Variants in ERICH5 observed in about 807,000 individuals in gnomAD.
ERICH5 encodes the protein glutamate rich 5, also known as glutamate-rich protein 5.
A neutral mutation model predicts 28.0 loss-of-function variants in ERICH5; 24 were observed. The observed-to-expected ratio is 0.86, with a 90% CI of 0.62 to 1.21. The LOEUF is 1.21. Ranked by LOEUF, ERICH5 falls within the 50% of genes most tolerant of loss-of-function variation. The pLI is 0.00. For synonymous variants in ERICH5, 163 were observed against 157.6 expected (o/e 1.03, Z -0.25); for missense variants, 421 against 441.2 (o/e 0.95, Z 0.41).
intron 1 of ERICH5, among the ~76,000 whole-genome samples, chr8:98,086,356 T>C (rs73701237): frequency 0.028 from 4,190 of 152,284 alleles, 159 homozygotes; most frequent in African/African-American, 0.091. Flanking sequence ...GGTGGCTTGG[T>C]ACCTCAGTAA....
rs79176049 is a variant in ERICH5, at chr8:98,084,365, A to C, written c.59-4711A>C. Reference sequence around the variant, plus strand: ...CTTCTGTGTTGCCTGCCTCTAATTCATTCTGCAGCGGGAGTATTTTGTTTG... The same window carrying C: ...CTTCTGTGTTGCCTGCCTCTAATTCCTTCTGCAGCGGGAGTATTTTGTTTG... On this transcript the variant is annotated intron_variant, in intron 1 of 2. Transcript: ENST00000318528. 8.8e-3 allele frequency among the ~76,000 whole-genome samples: 1,341 copies of C among 152,032 alleles called. 12 individuals carry two copies. The highest frequency in any genetic ancestry group is 0.03 in the African/African-American group (1,246 of 41,474).
rs1161102927 is a variant in ERICH5 at position 98,089,709 on chromosome 8, T to C, written c.692T>C (p.Leu231Ser). ...AAAGAGAATGAATCTCCAGAAATAT[T>C]GGAAGGAAGTCAGTTTGTGGAAACA... ...ISKENESPEI[L>S]EGSQFVETAE... Residue 231 changes from leucine (L) to serine (S), a missense_variant, in exon 2 of 3, where the codon TTG becomes TCG. Physicochemically the swap from Leu to Ser is moderately radical, Grantham distance 145. Coordinates refer to ENST00000318528, the MANE Select transcript of ERICH5 (RefSeq NM_173549.3). 3.7e-6 allele frequency: 6 copies of C among 1,614,118 alleles called. No individual in the cohort carries two copies. Among genetic ancestry groups the C allele is most frequent in the Non-Finnish European group, 5.1e-6 (6 of 1,180,028 alleles).
At chr8:98,090,327 T>G (rs1482122946) in intron 2 of ERICH5, among the ~76,000 whole-genome samples, 1 of 152,218 alleles carries the variant, frequency 6.6e-6, no homozygotes, top group Non-Finnish European at 1.5e-5. Context: ...AAGTTGACAC[T>G]TCATCAGGCC....
At chr8:98,064,780 A>G in intron 1 of ERICH5, 53 bp downstream of exon 1, 1 of 1,473,012 alleles carries the variant, frequency 6.8e-7, no homozygotes, top group Non-Finnish European at 9.1e-7. Context: ...CGGGTGGGCT[A>G]ACTCCCCAGG....
chr8:98,081,350 C>T (rs899452819), intron 1 of ERICH5, among the ~76,000 whole-genome samples: 4 of 152,264 alleles, frequency 2.6e-5, no homozygotes, highest in East Asian at 1.9e-4. Context: ...AAGTGATCCA[C>T]CTGCCTTGGC....
Position 98,089,596 on chromosome 8 carries a change from C to G in ERICH5, c.579C>G (p.Asn193Lys). 4.3e-6 allele frequency: 7 copies of G among 1,614,168 alleles called. No homozygotes were observed. Among genetic ancestry groups the G allele is most frequent in the Non-Finnish European group, 5.9e-6 (7 of 1,180,046 alleles). The part of the protein sequence containing the change: ...AEMKPLGTTE[N>K]VLTLQIAGEL... ...TGAAGCCTCTAGGAACAACTGAGAA[C>G]GTTCTGACTCTGCAAATAGCTGGAG... The change falls in exon 2 of 3, where the codon AAC (asparagine) becomes AAG (lysine). Residue 193 changes from asparagine (N) to lysine (K), a missense_variant. Physicochemically the swap from Asn to Lys is moderately conservative, Grantham distance 94. Coordinates refer to ENST00000318528, the MANE Select transcript of ERICH5 (RefSeq NM_173549.3).
At chr8:98,091,913 CT>C (rs1554621739) in intron 2 of ERICH5, among the ~76,000 whole-genome samples, 5 of 80,398 alleles carry the variant, frequency 6.2e-5, no homozygotes, top group African/African-American at 1.5e-4. Flanking sequence ...TTCTTTCTTT[CT>C]TTCTTCCTTT....
intron 1 of ERICH5, among the ~76,000 whole-genome samples, chr8:98,066,078 G>A (rs1814814722): frequency 6.6e-6 from 1 of 152,182 alleles, no homozygotes; most frequent in South Asian, 2.1e-4. Flanking sequence ...AATGTGAAAA[G>A]ATGGAAAAAT....
At chr8:98,088,116 T>TAC (rs1414499761) in intron 1 of ERICH5, among the ~76,000 whole-genome samples, 2 of 152,104 alleles carry the variant, frequency 1.3e-5, no homozygotes, top group African/African-American at 4.8e-5. Flanking sequence ...TATATATATA[T>TAC]ATTCTCTCCC....
chr8:98,070,758 G>C (rs1475424336), intron 1 of ERICH5, among the ~76,000 whole-genome samples: 3 of 151,742 alleles, frequency 2.0e-5, no homozygotes, highest in Admixed American at 6.6e-5. Flanking sequence ...AGATGGATGG[G>C]TGAATGGGTG....
At chr8:98,087,068 C>T (rs112663020) in intron 1 of ERICH5, among the ~76,000 whole-genome samples, 14 of 151,814 alleles carry the variant, frequency 9.2e-5, no homozygotes, top group Non-Finnish European at 1.6e-4. Context: ...TTGAGACGGG[C>T]GTGGTGGCTT....
intron 1 of ERICH5, among the ~76,000 whole-genome samples, chr8:98,079,156 TTTTTTTTTCC>T (rs1815120987): frequency 3.4e-5 from 3 of 87,992 alleles, no homozygotes; most frequent in Non-Finnish European, 8.6e-5. Context: ...TTTTCCTCTT[TTTTTTTTTCC>T]TTTTTTTTTT....
chr8:98,085,632 G>A (rs1458760320), intron 1 of ERICH5, among the ~76,000 whole-genome samples: 1 of 152,154 alleles, frequency 6.6e-6, no homozygotes, highest in Non-Finnish European at 1.5e-5. Context: ...GCTATATGGT[G>A]CATGTATATT....
intron 1 of ERICH5, among the ~76,000 whole-genome samples, chr8:98,066,890 G>A (rs1814829252): frequency 6.6e-6 from 1 of 152,148 alleles, no homozygotes; most frequent in Admixed American, 6.5e-5. Context: ...AAGCTTGTGT[G>A]TACATACTTT....
chr8:98,082,852 C>T (rs968734784), intron 1 of ERICH5, among the ~76,000 whole-genome samples: 3 of 152,138 alleles, frequency 2.0e-5, no homozygotes, highest in African/African-American at 7.2e-5. Flanking sequence ...GCCTTGGTGA[C>T]GGATTGAGAC....
chr8:98,085,026 T>C (rs553418928), intron 1 of ERICH5, among the ~76,000 whole-genome samples: 1 of 152,096 alleles, frequency 6.6e-6, no homozygotes. Flanking sequence ...CTTTTTGTCT[T>C]CTTTTACTCA....
intron 1 of ERICH5, among the ~76,000 whole-genome samples, chr8:98,070,210 GT>G (rs1237909874): frequency 6.6e-6 from 1 of 152,128 alleles, no homozygotes; most frequent in Non-Finnish European, 1.5e-5. Context: ...GAAACTTGTA[GT>G]GTGGCCTTAC....
At chr8:98,091,900 C>CTTTCTTTCTTTCTTTCTTTCTTTTCTTT in intron 2 of ERICH5, among the ~76,000 whole-genome samples, 2 of 74,708 alleles carry the variant, frequency 2.7e-5, no homozygotes, top group South Asian at 4.6e-4. Context: ...TTCTTTCTTT[C>CTTTCTTTCTTTCTTTCTTTCTTTTCTTT]CTTTCTTTCT....
rs755212463 is a variant in ERICH5, at chr8:98,089,312, G to A, written c.295G>A (p.Gly99Arg). 34 of 1,614,096 alleles carry A rather than the reference G, an allele frequency of 2.1e-5. No homozygotes were observed. The highest frequency in any genetic ancestry group is 2.8e-5 in the Non-Finnish European group (33 of 1,180,034). Reference protein sequence around the residue: ...APGRDATDQSGSTEKTQPGEG... With the variant: ...APGRDATDQSRSTEKTQPGEG... ...TGGAAGGGATGCCACAGACCAATCA[G>A]GGTCCACAGAAAAGACTCAGCCTGG... The change falls in exon 2 of 3, where the codon GGG (glycine) becomes AGG (arginine). Residue 99 changes from glycine (G) to arginine (R), a missense_variant. Transcript: ENST00000318528.
Sources: gnomAD v4.1 joint callset for allele counts (sites outside exome capture counted in the v4.1 genomes callset) on GRCh38, gnomAD v4.1.1 for gene constraint, MANE v1.5 for transcripts, NCBI Gene and HGNC (gene_info 2026-07-23, HGNC 2026-07-21) for gene names.